CLEC16A: variants seen among roughly 807,000 people sequenced by gnomAD.
CLEC16A encodes protein CLEC16A.
In CLEC16A, 51 loss-of-function variants were observed where a neutral mutation model predicts 109.5. The observed-to-expected ratio is 0.47, with a 90% CI of 0.37 to 0.59. CLEC16A has a LOEUF of 0.59. CLEC16A is among the 20% of genes least tolerant of loss of function. The pLI is 0.00. For synonymous variants in CLEC16A, 673 were observed against 564.2 expected, an observed-to-expected ratio of 1.19 and a Z score of -2.73; for missense variants, 1,339 against 1,394.0, an observed-to-expected ratio of 0.96 and a Z score of 0.63.
In CLEC16A at chr16:11,042,290, G is replaced by A. The variant is rs1355878541; in HGVS notation, c.1697G>A (p.Cys566Tyr). ...KIRLATLELS[C>Y]LLLKQQVLMS... ...CGGCTGGCGACGCTGGAGCTGAGCTGCCTGCTTCTGAAGCAGCAAGTCCTG... is the reference window on the plus strand; with the variant it reads ...CGGCTGGCGACGCTGGAGCTGAGCTACCTGCTTCTGAAGCAGCAAGTCCTG... The change falls in exon 15 of 24, where the codon TGC (cysteine) becomes TAC (tyrosine). Residue 566 changes from cysteine to tyrosine, a missense_variant. This residue lies in a region of CLEC16A where 1,061 missense variants were observed against 1,006.8 expected (regional missense o/e 1.05). Transcript: ENST00000409790. The A allele has an allele frequency of 1.9e-6, 3 of 1,590,040 alleles. No homozygotes were observed. Among genetic ancestry groups the A allele is most frequent in the Non-Finnish European group, 2.6e-6 (3 of 1,168,652 alleles).
chr16:11,178,240 C>T lies in CLEC16A; in HGVS notation c.2807-95C>T. 8.7e-7 allele frequency: 1 copy of T among 1,146,886 alleles called. No homozygotes were observed. The allele number at this position is 1,146,886 out of a possible 1,614,324, so 71.0% of individuals were successfully genotyped here. A position where few individuals can be genotyped will look rare whatever the true frequency, so the allele number is the denominator to read the frequency against. On this transcript the variant is annotated intron_variant, in intron 23 of 23. Transcript: ENST00000409790. This position sits in a 1 kb window ranked among gnomAD's most constrained non-coding sequence, Gnocchi z 6.5. The stretch of plus-strand genomic sequence containing the variant: ...CCAGCCAGCCACCTCCCACCTAGCT[C>T]ACCAGGGCCGCGGTTCAGGATGGGA...
At chr16:11,018,430 A>C (rs2045895232) in intron 11 of CLEC16A, among the ~76,000 whole-genome samples, 1 of 151,872 alleles carries the variant, frequency 6.6e-6, no homozygotes, top group Non-Finnish European at 1.5e-5. Context: ...AGGCAGAGGA[A>C]ATTACTGTGT....
At chr16:10,986,426 T>A (rs1014366019) in intron 10 of CLEC16A, among the ~76,000 whole-genome samples, 2 of 152,218 alleles carry the variant, frequency 1.3e-5, no homozygotes, top group Admixed American at 1.3e-4. Flanking sequence ...CACAGCATCA[T>A]TCAGCAGATT....
chr16:11,032,760 T>G (rs1189950787), intron 13 of CLEC16A, among the ~76,000 whole-genome samples: 1 of 151,916 alleles, frequency 6.6e-6, no homozygotes, highest in African/African-American at 2.4e-5. Flanking sequence ...GGGAGCAGCA[T>G]GTACAGAGGC....
intron 17 of CLEC16A, 31 bp downstream of exon 17, chr16:11,047,373 G>A (rs769566672): frequency 1.4e-5 from 22 of 1,558,178 alleles, no homozygotes; most frequent in Non-Finnish European, 1.8e-5. Flanking sequence ...CACTTGGGCT[G>A]GTGTGCGCCT....
At chr16:11,049,569 A>G (rs1201329639) in intron 17 of CLEC16A, among the ~76,000 whole-genome samples, 1 of 152,194 alleles carries the variant, frequency 6.6e-6, no homozygotes, top group Non-Finnish European at 1.5e-5. Flanking sequence ...CAAAGGTGCC[A>G]CGCCCTTGCT....
At chr16:11,113,702 A>G (rs2051761794) in intron 19 of CLEC16A, among the ~76,000 whole-genome samples, 1 of 152,134 alleles carries the variant, frequency 6.6e-6, no homozygotes, top group African/African-American at 2.4e-5. Context: ...ATCACCTTGG[A>G]GCTTCTTTTT....
At chr16:11,104,009 G>A (rs2051073194) in intron 19 of CLEC16A, among the ~76,000 whole-genome samples, 1 of 152,150 alleles carries the variant, frequency 6.6e-6, no homozygotes, top group Non-Finnish European at 1.5e-5. Flanking sequence ...TTGAGGTCTG[G>A]CCAGCATCTG....
chr16:11,147,949 G>A (rs62026379), intron 22 of CLEC16A, among the ~76,000 whole-genome samples: 28,045 of 152,050 alleles, frequency 0.18, 3,303 homozygotes, highest in Middle Eastern at 0.26. Flanking sequence ...TCCCTAAAAC[G>A]TGCCTTTTTT....
chr16:10,986,727 C>G (rs1435580542), intron 10 of CLEC16A, among the ~76,000 whole-genome samples: 1 of 50,548 alleles, frequency 2.0e-5, no homozygotes, highest in African/African-American at 9.3e-5. Flanking sequence ...TTCTTTAAGG[C>G]TCAATGTGTG....
chr16:11,164,881 G>A (rs1208986907), intron 22 of CLEC16A, among the ~76,000 whole-genome samples: 1 of 152,232 alleles, frequency 6.6e-6, no homozygotes, highest in East Asian at 1.9e-4. Context: ...TGTTAGTAGA[G>A]AGCTGGACCG....
intron 10 of CLEC16A, among the ~76,000 whole-genome samples, chr16:10,998,046 C>T (rs1018551345): frequency 1.3e-5 from 2 of 152,178 alleles, no homozygotes; most frequent in Admixed American, 6.5e-5. Flanking sequence ...ATCCTCCCTC[C>T]CATCCCATTG....
Position 11,024,857 on chromosome 16 carries a change from C to G in CLEC16A, c.1473C>G (p.Ser491Arg). 2 of 1,608,690 alleles carry G rather than the reference C, an allele frequency of 1.2e-6. No individual in the cohort carries two copies. Among genetic ancestry groups the G allele is most frequent in the Non-Finnish European group, 8.5e-7 (1 of 1,177,586 alleles). The change falls in exon 13 of 24, where the codon AGC becomes AGG. Residue 491 changes from serine (S) to arginine (R), a missense_variant. Ser to Arg is a moderately radical substitution (Grantham distance 110, BLOSUM62 -1). Around this residue, in one of 3 missense-constraint regions of CLEC16A, gnomAD observed 1,061 missense variants for 1,006.8 expected, o/e 1.05. Transcript: ENST00000409790. ...FLDMVYHALD[S>R]PDDDYHALFV... ...ATATGGTGTACCACGCGCTGGACAG[C>G]CCGGATGATGATTACCATGCCCTGT...
At chr16:11,175,540 G>A (rs764538316) in intron 23 of CLEC16A, among the ~76,000 whole-genome samples, 3 of 152,222 alleles carry the variant, frequency 2.0e-5, no homozygotes, top group African/African-American at 7.2e-5. Flanking sequence ...ACCTGGCAGA[G>A]TTCTCCTTTT....
intron 11 of CLEC16A, among the ~76,000 whole-genome samples, chr16:11,005,109 C>T (rs1428432999): frequency 6.6e-6 from 1 of 152,202 alleles, no homozygotes; most frequent in Non-Finnish European, 1.5e-5. Context: ...CTCTTTCATT[C>T]CAGTCCTTTT....
chr16:10,948,115 G>T (rs145853087), intron 1 of CLEC16A, among the ~76,000 whole-genome samples: 3 of 152,212 alleles, frequency 2.0e-5, no homozygotes, highest in East Asian at 3.9e-4. Context: ...GGATGGTCTC[G>T]ATCTCCTGAC....
At chr16:10,969,376 C>T (rs1377342541) in intron 4 of CLEC16A, 67 bp downstream of exon 4, 17 of 946,694 alleles carry the variant, frequency 1.8e-5, no homozygotes, top group East Asian at 5.6e-5. Flanking sequence ...TTTTTTTTTA[C>T]GGCAGCGCCT....
At chr16:11,142,308 G>A (rs2153067827) in intron 22 of CLEC16A, among the ~76,000 whole-genome samples, 1 of 152,344 alleles carries the variant, frequency 6.6e-6, no homozygotes, top group East Asian at 1.9e-4. Flanking sequence ...TGGGGGAGCT[G>A]TAGTTGGAAG....
chr16:11,168,884 C>T (rs1002818087), intron 23 of CLEC16A, among the ~76,000 whole-genome samples: 1 of 152,220 alleles, frequency 6.6e-6, no homozygotes, highest in Non-Finnish European at 1.5e-5. Context: ...GCTCAGAGTG[C>T]GACTCAGCAT....
Sources: gnomAD v4.1 joint callset for allele counts (sites outside exome capture counted in the v4.1 genomes callset) on GRCh38, gnomAD v4.1.1 for gene constraint, gnomAD v4.1.1 regional missense constraint, Gnocchi (gnomAD v3.1) non-coding constraint, MANE v1.5 for transcripts, NCBI Gene and HGNC (gene_info 2026-07-23, HGNC 2026-07-21) for gene names.